The following CFDP1 variants were observed in gnomAD, a reference collection of about 807,000 sequenced individuals.
CFDP1 encodes chromatin remodeling protein CFDP1, also known as heterochromatin-stabilizing protein CFDP1.
Under a neutral mutation model 40.1 loss-of-function variants are expected in CFDP1, and 31 were observed. The observed-to-expected ratio is 0.77, with a 90% CI of 0.58 to 1.04. CFDP1 has a LOEUF of 1.04. Ranked by LOEUF, CFDP1 falls within the 50% of genes least tolerant of loss-of-function variation. CFDP1 has a pLI of 0.00. For missense variants in CFDP1, 423 were observed against 343.4 expected, an observed-to-expected ratio of 1.23 and a Z score of -1.83; for synonymous variants, 167 against 120.0, an observed-to-expected ratio of 1.39 and a Z score of -2.56.
chr16:75,298,422 G>A (rs2078199296), intron 6 of CFDP1, among the ~76,000 whole-genome samples: 1 of 152,154 alleles, frequency 6.6e-6, no homozygotes, highest in Non-Finnish European at 1.5e-5. Flanking sequence ...GAGAGCACAT[G>A]GAAGTGCAGG....
rs2079452610 is a variant in CFDP1, at chr16:75,433,447, G to GCGACGGCAGCTAGGGCGGCCCC, written c.-117_-96dup. 7.9e-7 allele frequency: 1 copy of GCGACGGCAGCTAGGGCGGCCCC among 1,268,644 alleles called. No individual in the cohort carries two copies. Among genetic ancestry groups the GCGACGGCAGCTAGGGCGGCCCC allele is most frequent in the Non-Finnish European group, 1.1e-6 (1 of 904,916 alleles). The allele number at this position is 1,268,644 out of a possible 1,614,324, so 78.6% of individuals were successfully genotyped here. On this transcript the variant is annotated 5_prime_UTR_variant, in exon 1 of 7. An upstream open reading frame in the 5' UTR gains an earlier in-frame stop. Coordinates refer to ENST00000283882, the MANE Select transcript of CFDP1 (RefSeq NM_006324.3). Reference sequence around the variant, plus strand: ...GAGAGACCATAGAGCCCCGGCGGCGGCGACGGCAGCTAGGGCGGCCCCCGA... The same window carrying GCGACGGCAGCTAGGGCGGCCCC: ...GAGAGACCATAGAGCCCCGGCGGCGGCGACGGCAGCTAGGGCGGCCCCCGACGGCAGCTAGGGCGGCCCCCGA...
intron 6 of CFDP1, among the ~76,000 whole-genome samples, chr16:75,295,408 T>TG (rs550435295): frequency 1.4e-4 from 21 of 152,240 alleles, no homozygotes; most frequent in Non-Finnish European, 2.6e-4. Context: ...TAATAAATAA[T>TG]GGCTAGTCAT....
At chr16:75,372,589 C>G (rs2078761179) in intron 5 of CFDP1, 1 of 152,140 alleles carries the variant, frequency 6.6e-6, no homozygotes, top group African/African-American at 2.4e-5. Context: ...AAACAGAAAA[C>G]CTAAGTGAGT....
Position 75,362,043 on chromosome 16 carries a change from G to C in CFDP1, c.650+33047C>G, listed in dbSNP as rs550264829. 2.6e-5 allele frequency among the ~76,000 whole-genome samples: 4 copies of C among 152,276 alleles called. No individual in the cohort carries two copies. The South Asian group carries it at 8.3e-4, about 32-fold the overall frequency. On this transcript the variant is annotated intron_variant, in intron 5 of 6. Transcript: ENST00000283882. Reference sequence around the variant, plus strand: ...ACTCAGAAAAACCCAAGAATTCAATGAAGTTATTCATTCGGAGATGCTTTT... The same window carrying C: ...ACTCAGAAAAACCCAAGAATTCAATCAAGTTATTCATTCGGAGATGCTTTT...
At chr16:75,328,572 C>T (rs374267604) in intron 5 of CFDP1, among the ~76,000 whole-genome samples, 33 of 130,706 alleles carry the variant, frequency 2.5e-4, no homozygotes, top group East Asian at 6.7e-4. Context: ...GCACTCCAGC[C>T]TGGGCGACAA....
chr16:75,421,841 C>G (rs576805317), intron 1 of CFDP1, among the ~76,000 whole-genome samples: 1 of 152,110 alleles, frequency 6.6e-6, no homozygotes, highest in Admixed American at 6.6e-5. Context: ...GGAAGTGGTT[C>G]CAAGATCTCC....
chr16:75,340,033 T>C (rs113552842), intron 5 of CFDP1, among the ~76,000 whole-genome samples: 9 of 152,364 alleles, frequency 5.9e-5, no homozygotes, highest in African/African-American at 1.9e-4. Flanking sequence ...AGTTTTTGCA[T>C]GCCTCAATAG....
chr16:75,416,718 A>T (rs1350634187), intron 1 of CFDP1, among the ~76,000 whole-genome samples: 2 of 152,232 alleles, frequency 1.3e-5, no homozygotes, highest in African/African-American at 4.8e-5. Context: ...ACTGCACTCC[A>T]GCCTGGGTAA....
chr16:75,398,775 G>C (rs1395221955), intron 4 of CFDP1, among the ~76,000 whole-genome samples: 1 of 107,250 alleles, frequency 9.3e-6, no homozygotes, highest in African/African-American at 2.8e-5. Context: ...ACCTGTGAAG[G>C]CTGGGCGTGG....
chr16:75,307,733 A>C (rs1427766606), intron 5 of CFDP1, among the ~76,000 whole-genome samples: 1 of 151,720 alleles, frequency 6.6e-6, no homozygotes, highest in Non-Finnish European at 1.5e-5. Flanking sequence ...TATCTTTTTT[A>C]TGTTTTGTAG....
intron 5 of CFDP1, among the ~76,000 whole-genome samples, chr16:75,321,214 C>A (rs1036763925): frequency 2.0e-5 from 3 of 152,184 alleles, no homozygotes; most frequent in Non-Finnish European, 4.4e-5. Flanking sequence ...ATCCTCCTAC[C>A]TCGGCATTCC....
chr16:75,414,828 T>C, intron 1 of CFDP1, 133 bp from the exon 2 acceptor site: 1 of 632,624 alleles, frequency 1.6e-6, no homozygotes, highest in Non-Finnish European at 2.8e-6. Flanking sequence ...ACTCTTCACC[T>C]AACGAAAACA....
At chr16:75,386,346 T>G (rs1422049811) in intron 5 of CFDP1, among the ~76,000 whole-genome samples, 1 of 152,192 alleles carries the variant, frequency 6.6e-6, no homozygotes, top group African/African-American at 2.4e-5. Flanking sequence ...AATTCCTAGG[T>G]TCAGAGTATT....
At chr16:75,332,375 G>C (rs920977630) in intron 5 of CFDP1, among the ~76,000 whole-genome samples, 1 of 152,120 alleles carries the variant, frequency 6.6e-6, no homozygotes, top group African/African-American at 2.4e-5. Flanking sequence ...TGAGGCAGGA[G>C]AATCACTTGA....
intron 5 of CFDP1, among the ~76,000 whole-genome samples, chr16:75,329,765 T>C (rs139887977): frequency 5.6e-4 from 86 of 152,358 alleles, no homozygotes; most frequent in African/African-American, 2.0e-3. Flanking sequence ...TAGCACCCTA[T>C]GTATAGGTCA....
At chr16:75,361,379 G>T (rs1457462674) in intron 5 of CFDP1, among the ~76,000 whole-genome samples, 1 of 152,162 alleles carries the variant, frequency 6.6e-6, no homozygotes, top group African/African-American at 2.4e-5. Context: ...CACTCTGGGA[G>T]GCCGAGGCAG....
At chr16:75,381,115 C>G (rs962011985) in intron 5 of CFDP1, 1 of 152,084 alleles carries the variant, frequency 6.6e-6, no homozygotes, top group Non-Finnish European at 1.5e-5. Flanking sequence ...ATAGTCCAAG[C>G]CTTTCAAAAG....
chr16:75,315,217 C>T (rs2078316662), intron 5 of CFDP1, among the ~76,000 whole-genome samples: 1 of 151,204 alleles, frequency 6.6e-6, no homozygotes, highest in South Asian at 2.1e-4. Flanking sequence ...CCTGTAGTCC[C>T]AGCTACTTGG....
intron 1 of CFDP1, among the ~76,000 whole-genome samples, chr16:75,416,809 G>C (rs2079211673): frequency 1.3e-5 from 2 of 151,354 alleles, no homozygotes; most frequent in Admixed American, 1.3e-4. Context: ...CCAGCTGTGT[G>C]AAAATCTGGA....
Sources: gnomAD v4.1 joint callset for allele counts (sites outside exome capture counted in the v4.1 genomes callset) on GRCh38, gnomAD v4.1.1 for gene constraint, MANE v1.5 for transcripts, NCBI Gene and HGNC (gene_info 2026-07-23, HGNC 2026-07-21) for gene names.